CTBP2: variants seen among roughly 807,000 people sequenced by gnomAD.
CTBP2 encodes the protein C-terminal binding protein 2.
In CTBP2, 30 loss-of-function variants were observed where a neutral mutation model predicts 80.3. The observed-to-expected ratio is 0.37, with a 90% CI of 0.28 to 0.51. The LOEUF is 0.51. Ranked by LOEUF, CTBP2 falls within the 20% of genes least tolerant of loss-of-function variation. The probability of loss-of-function intolerance (pLI) is 0.93; values close to 1 mark genes in which losing one functional copy is unlikely to be tolerated. For synonymous variants in CTBP2, 594 were observed against 587.4 expected, an observed-to-expected ratio of 1.01 and a Z score of -0.16; for missense variants, 1,212 against 1,375.3, an observed-to-expected ratio of 0.88 and a Z score of 1.88.
intron 2 of CTBP2, among the ~76,000 whole-genome samples, 172 bp from the exon 3 acceptor site, chr10:125,039,327 C>T (rs1362318071): frequency 6.6e-6 from 1 of 152,248 alleles, no homozygotes; most frequent in Non-Finnish European, 1.5e-5. Context: ...TGCATCTCAG[C>T]CGCCTCCTGC....
intron 2 of CTBP2, among the ~76,000 whole-genome samples, chr10:125,072,017 T>A (rs1845560150): frequency 6.6e-6 from 1 of 152,182 alleles, no homozygotes; most frequent in South Asian, 2.1e-4. Flanking sequence ...ATCCACACCA[T>A]GGACAAACCC....
At chr10:125,045,829 T>C (rs141908876) in intron 2 of CTBP2, among the ~76,000 whole-genome samples, 1 of 152,242 alleles carries the variant, frequency 6.6e-6, no homozygotes, top group African/African-American at 2.4e-5. Context: ...TTCACTCTGG[T>C]TCCACCATCA....
At chr10:125,131,915 G>A (rs1292469304) in intron 1 of CTBP2, among the ~76,000 whole-genome samples, 2 of 152,286 alleles carry the variant, frequency 1.3e-5, no homozygotes, top group African/African-American at 2.4e-5. Flanking sequence ...TGGAGCCTCC[G>A]ACAGATACTT....
rs1182983513 is a variant in CTBP2, at chr10:125,003,455, G to C, written c.1716C>G (p.Pro572=). 6.3e-7 allele frequency: 1 copy of C among 1,580,324 alleles called. No homozygotes were observed. The highest frequency in any genetic ancestry group is 1.4e-5 in the African/African-American group (1 of 72,788). ...CGTCCAGCAGCGCCACCAGGGGGCGGGGGTGCAGGGGGCCGTTCATGATCT... is the reference window on the plus strand; with the variant it reads ...CGTCCAGCAGCGCCACCAGGGGGCGCGGGTGCAGGGGGCCGTTCATGATCT... Residue 572 remains proline (P), a synonymous_variant, in exon 2 of 9, where the codon CCC becomes CCG. Transcript: ENST00000309035.
At chr10:125,044,504 A>C (rs376557566) in intron 2 of CTBP2, among the ~76,000 whole-genome samples, 1 of 152,260 alleles carries the variant, frequency 6.6e-6, no homozygotes, top group Non-Finnish European at 1.5e-5. Flanking sequence ...TTCAGAAGCC[A>C]AACTTGTGCA....
intron 3 of CTBP2, 21 bp from the exon 6 acceptor site, chr10:124,998,191 G>A: frequency 5.0e-6 from 8 of 1,585,986 alleles, no homozygotes; most frequent in Non-Finnish European, 6.9e-6. Context: ...TGAGGCCAAG[G>A]CCGGAGATGA....
chr10:125,032,002 T>C (rs1958283795), upstream of CTBP2, among the ~76,000 whole-genome samples: 1 of 152,120 alleles, frequency 6.6e-6, no homozygotes. Flanking sequence ...ATTGTAAAGC[T>C]TCCTGGGAAC....
intron 3 of CTBP2, chr10:125,000,018 G>C (rs556669668): frequency 6.6e-6 from 1 of 152,444 alleles, no homozygotes; most frequent in South Asian, 2.1e-4. Flanking sequence ...ACCCCACAAG[G>C]CCACGTGTGT....
chr10:125,127,131 T>C lies in CTBP2; in HGVS notation c.-205-16038A>G, dbSNP rs1410704500. Among the ~76,000 whole-genome samples, 8 of 152,302 alleles carry C rather than the reference T, an allele frequency of 5.3e-5. No homozygotes were observed. In the South Asian group the frequency reaches 6.2e-4, roughly 12 times the overall value. On this transcript the variant is annotated intron_variant, in intron 1 of 10. Coordinates refer to the CTBP2 transcript ENST00000337195. ...GGATGGCAACTCTGCCTCAGCCCCA[T>C]GCACATGCTCTCAAATCAAAGGCAC...
intron 2 of CTBP2, among the ~76,000 whole-genome samples, chr10:125,083,493 C>A (rs374687490): frequency 6.6e-6 from 1 of 152,178 alleles, no homozygotes; most frequent in Non-Finnish European, 1.5e-5. Context: ...GAGACTCAGT[C>A]GCCTGTCTAC....
intron 1 of CTBP2, among the ~76,000 whole-genome samples, chr10:125,015,222 GA>G (rs1956350060): frequency 6.6e-6 from 1 of 152,310 alleles, no homozygotes; most frequent in South Asian, 2.1e-4. Context: ...ACCAGCCAGT[GA>G]GGTGGGAAAA....
Position 125,026,231 on chromosome 10 carries a change from T to TG in CTBP2, c.1528dup (p.Gln510ProfsTer92). On this transcript the variant is annotated frameshift_variant, in exon 1 of 9. Coordinates refer to ENST00000309035, the MANE Select transcript of CTBP2 (RefSeq NM_022802.3). LOFTEE classifies it high-confidence loss of function. ...GGGTGCACCTGGCTTCCGCAAGACCTGGGGGCTGCCGTGAGGGCTGGGCAG... is the reference window on the plus strand; with the variant it reads ...GGGTGCACCTGGCTTCCGCAAGACCTGGGGGGCTGCCGTGAGGGCTGGGCAG... The TG allele has an allele frequency of 6.2e-7, 1 of 1,613,622 alleles. No individual in the cohort carries two copies. The highest frequency in any genetic ancestry group is 8.5e-7 in the Non-Finnish European group (1 of 1,179,906).
chr10:125,141,681 C>T (rs934542874), intron 1 of CTBP2, among the ~76,000 whole-genome samples: 2 of 151,974 alleles, frequency 1.3e-5, no homozygotes, highest in Non-Finnish European at 2.9e-5. Context: ...AGGTACACAG[C>T]GAGCACACAG....
chr10:125,082,548 C>T (rs1166791554), intron 2 of CTBP2, among the ~76,000 whole-genome samples: 3 of 151,146 alleles, frequency 2.0e-5, no homozygotes, highest in African/African-American at 4.9e-5. Flanking sequence ...GCACAAGTCA[C>T]GTTTGCACAC....
At chr10:125,058,216 T>C (rs990059104) in intron 2 of CTBP2, among the ~76,000 whole-genome samples, 6 of 152,084 alleles carry the variant, frequency 3.9e-5, no homozygotes, top group African/African-American at 4.8e-5. Context: ...GCCTGGAATA[T>C]GCAGCTGCGC....
intron 8 of CTBP2, among the ~76,000 whole-genome samples, chr10:124,991,893 T>TGGGGGG (rs11459870): frequency 1.9e-3 from 113 of 60,372 alleles, no homozygotes; most frequent in Non-Finnish European, 2.9e-3. Context: ...CCAGCAATAA[T>TGGGGGG]GGGGGGGGGG....
At chr10:125,101,235 G>C (rs1468802523) in intron 2 of CTBP2, among the ~76,000 whole-genome samples, 1 of 152,240 alleles carries the variant, frequency 6.6e-6, no homozygotes, top group Non-Finnish European at 1.5e-5. Context: ...AAGTGGCCGT[G>C]TTCCCGGCCT....
intron 3 of CTBP2, among the ~76,000 whole-genome samples, chr10:125,036,162 CA>C (rs1958846015): frequency 6.6e-6 from 1 of 152,164 alleles, no homozygotes; most frequent in South Asian, 2.1e-4. Context: ...ACAGAAGGAT[CA>C]AGCTCCATGC....
rs1445904071 is a variant in CTBP2, at chr10:124,989,265, C to T, written c.*253G>A. On this transcript the variant is annotated 3_prime_UTR_variant, in exon 9 of 9. Transcript: ENST00000309035. The stretch of plus-strand genomic sequence containing the variant: ...TATTTATTCTTTTTGTGATTTGATG[C>T]ACAGATGAAAAACTTAACACACAAT... The T allele has an allele frequency of 2.0e-6, 1 of 508,980 alleles. No individual in the cohort carries two copies. The highest frequency in any genetic ancestry group is 3.8e-5 in the East Asian group (1 of 26,432). 31.5% of individuals were successfully genotyped at this position (508,980 alleles called of 1,614,324 possible).
Sources: allele counts gnomAD v4.1 joint callset (sites outside exome capture counted in the v4.1 genomes callset), GRCh38; gene constraint gnomAD v4.1.1; transcripts MANE v1.5; gene names NCBI Gene and HGNC (gene_info 2026-07-23, HGNC 2026-07-21).